Variants in LARP4B observed in about 807,000 individuals in gnomAD.
LARP4B encodes the protein la-related protein 4B.
LARP4B carries 12 observed loss-of-function variants against 89.8 expected under a neutral mutation model. The ratio of observed to expected loss-of-function variants is 0.13; its 90% CI spans 0.09 to 0.22. The LOEUF is 0.22. Ranked by LOEUF, LARP4B falls within the 10% of genes least tolerant of loss-of-function variation. The pLI, the probability that LARP4B is intolerant of heterozygous loss-of-function variation, is 1.00. For missense variants in LARP4B, 757 were observed against 947.7 expected, an observed-to-expected ratio of 0.80 and a Z score of 2.64; for synonymous variants, 367 against 363.3, an observed-to-expected ratio of 1.01 and a Z score of -0.12.
At chr10:858,422 A>G (rs1230941114) in intron 5 of LARP4B, among the ~76,000 whole-genome samples, 1 of 152,226 alleles carries the variant, frequency 6.6e-6, no homozygotes, top group African/African-American at 2.4e-5. Flanking sequence ...ATCTAAATGT[A>G]AGACCCGAAA....
At chr10:941,008 A>T in the LARP4B span, among the ~76,000 whole-genome samples, 5 of 152,180 alleles carry the variant, frequency 3.3e-5, no homozygotes, top group African/African-American at 1.2e-4. Flanking sequence ...AGGAGCTCAG[A>T]GCCCCGGACT....
At chr10:863,309 C>T (rs1346593714) in intron 5 of LARP4B, among the ~76,000 whole-genome samples, 3 of 151,914 alleles carry the variant, frequency 2.0e-5, no homozygotes, top group Non-Finnish European at 2.9e-5. Flanking sequence ...CTGCAAGCTC[C>T]GCCTCCAGGT....
intron 5 of LARP4B, among the ~76,000 whole-genome samples, chr10:850,804 A>T: frequency 6.6e-6 from 1 of 152,140 alleles, no homozygotes; most frequent in East Asian, 1.9e-4. Context: ...CTAGAAATTA[A>T]TAAAAGAAAG....
At chr10:842,110 A>G (rs1488746992) in intron 7 of LARP4B, among the ~76,000 whole-genome samples, 1 of 152,222 alleles carries the variant, frequency 6.6e-6, no homozygotes, top group African/African-American at 2.4e-5. Flanking sequence ...CCAATCACTC[A>G]AAACTATGTA....
At chr10:972,684 G>C in the LARP4B span, 6 of 457,114 alleles carry the variant, frequency 1.3e-5, no homozygotes, top group Admixed American at 2.3e-5. Context: ...CACTTGCTGA[G>C]AATCAAACAC....
At chr10:947,866 G>A in the LARP4B span, among the ~76,000 whole-genome samples, 1 of 151,848 alleles carries the variant, frequency 6.6e-6, no homozygotes, top group African/African-American at 2.4e-5. Context: ...CAGGTGATCT[G>A]CCCACCTCGG....
the LARP4B span, chr10:986,361 T>C: frequency 6.6e-6 from 1 of 152,256 alleles, no homozygotes; most frequent in African/African-American, 2.4e-5. Flanking sequence ...ACTGGCAATG[T>C]GCCTCGTACT....
At chr10:827,220 G>A (rs946411104) in intron 11 of LARP4B, among the ~76,000 whole-genome samples, 5 of 151,932 alleles carry the variant, frequency 3.3e-5, no homozygotes, top group Non-Finnish European at 7.4e-5. Flanking sequence ...AGCTTGCAGT[G>A]AGCCAAGATC....
intron 7 of LARP4B, 109 bp downstream of exon 7, chr10:842,823 T>A (rs1833589928): frequency 4.2e-6 from 4 of 952,932 alleles, no homozygotes; most frequent in Non-Finnish European, 6.2e-6. Flanking sequence ...AAGAATCTGA[T>A]TCGCCATCAA....
At chr10:849,148 A>C (rs1400958402) in intron 5 of LARP4B, among the ~76,000 whole-genome samples, 1 of 152,122 alleles carries the variant, frequency 6.6e-6, no homozygotes, top group Non-Finnish European at 1.5e-5. Flanking sequence ...ACAAAGAAGA[A>C]GGCTGCTCCA....
chr10:807,166 T>C (rs1057304), downstream of LARP4B: 62,424 of 152,172 alleles, frequency 0.41, 13,360 homozygotes, highest in South Asian at 0.5. Flanking sequence ...AGGGTCCTAA[T>C]GACAGATCAG....
chr10:859,992 A>C (rs1278232395), intron 5 of LARP4B, among the ~76,000 whole-genome samples: 1 of 151,894 alleles, frequency 6.6e-6, no homozygotes, highest in East Asian at 1.9e-4. Context: ...AGAACGTACA[A>C]CACCAAGAGT....
intron 1 of LARP4B, among the ~76,000 whole-genome samples, chr10:922,218 T>C (rs979019809): frequency 6.6e-6 from 1 of 152,186 alleles, no homozygotes; most frequent in Non-Finnish European, 1.5e-5. Context: ...TGAGCTCTTA[T>C]GAGAATCTAG....
chr10:972,812 T>A, the LARP4B span: 1 of 456,734 alleles, frequency 2.2e-6, no homozygotes, highest in South Asian at 1.5e-5. Flanking sequence ...TTCTTTCCCC[T>A]CTCCAAGGCC....
chr10:911,488 G>A (rs540165066), intron 1 of LARP4B, among the ~76,000 whole-genome samples: 15 of 152,190 alleles, frequency 9.9e-5, no homozygotes, highest in Middle Eastern at 3.4e-3. Flanking sequence ...TTTTTGTGGA[G>A]GAAAATACAA....
chr10:825,240 T>A lies in LARP4B; in HGVS notation c.1309A>T (p.Ile437Leu), dbSNP rs372744681. The change falls in exon 13 of 18, where the codon ATA becomes TTA. Residue 437 changes from isoleucine (I) to leucine (L), a missense_variant. This residue lies in a region of LARP4B where 387 missense variants were observed against 423.6 expected (regional missense o/e 0.91). Coordinates refer to ENST00000316157, the MANE Select transcript of LARP4B (RefSeq NM_015155.3). Reference protein sequence around the residue: ...RGPGLLESPSIFNFTADRLIN... With the variant: ...RGPGLLESPSLFNFTADRLIN... The stretch of plus-strand genomic sequence containing the variant: ...AATCGATCTGCAGTGAAGTTAAATA[T>A]TGAAGGACTTTCTAATAACCCAGGT... The A allele has an allele frequency of 3.6e-5, 58 of 1,614,206 alleles. No individual in the cohort carries two copies. In the African/African-American group the frequency reaches 6.5e-4, roughly 18 times the overall value.
the LARP4B span, among the ~76,000 whole-genome samples, chr10:974,514 G>A: frequency 6.6e-6 from 1 of 152,106 alleles, no homozygotes; most frequent in African/African-American, 2.4e-5. Context: ...CTATAAATTG[G>A]GAATGTGAAA....
At chr10:839,090 G>A (rs2131710186) in intron 7 of LARP4B, among the ~76,000 whole-genome samples, 1 of 152,336 alleles carries the variant, frequency 6.6e-6, no homozygotes, top group South Asian at 2.1e-4. Context: ...AAAGATCAGT[G>A]GCTTCCAGTG....
chr10:820,673 T>A, intron 14 of LARP4B, 127 bp downstream of exon 14: 1 of 851,268 alleles, frequency 1.2e-6, no homozygotes, highest in Non-Finnish European at 1.8e-6. Flanking sequence ...CTTAGTGGAT[T>A]TCACGTTACA....
Sources: allele counts gnomAD v4.1 joint callset (sites outside exome capture counted in the v4.1 genomes callset), GRCh38; gene constraint gnomAD v4.1.1; regional missense constraint gnomAD v4.1.1; transcripts MANE v1.5; gene names NCBI Gene and HGNC (gene_info 2026-07-23, HGNC 2026-07-21).